NEB: variants seen among roughly 807,000 people sequenced by gnomAD.
NEB encodes the protein nebulin.
Under a neutral mutation model 952.2 loss-of-function variants are expected in NEB, and 512 were observed. That is an observed-to-expected ratio of 0.54 (90% CI 0.50 to 0.58). NEB has a LOEUF of 0.58. NEB is among the 20% of genes least tolerant of loss of function. The pLI is 0.00. For missense variants in NEB, 8,428 were observed against 9,231.1 expected (o/e 0.91, Z 3.56); for synonymous variants, 2,900 against 3,149.8 (o/e 0.92, Z 2.66).
chr2:151,706,027 T>C (rs1164492499), intron 13 of NEB, among the ~76,000 whole-genome samples: 1 of 152,166 alleles, frequency 6.6e-6, no homozygotes, highest in Non-Finnish European at 1.5e-5. Context: ...AAAGAACTTT[T>C]CCATGTAACC....
chr2:151,670,086 C>T (rs2099267265), intron 38 of NEB, among the ~76,000 whole-genome samples: 2 of 152,294 alleles, frequency 1.3e-5, no homozygotes, highest in South Asian at 2.1e-4. Flanking sequence ...AGTGAGTGTA[C>T]AGTTTGCCTA....
At chr2:151,636,799 A>G (rs566125535) in intron 63 of NEB, among the ~76,000 whole-genome samples, 3 of 148,302 alleles carry the variant, frequency 2.0e-5, no homozygotes, top group Non-Finnish European at 3.0e-5. Context: ...AAAACAAAAC[A>G]AAAAAAAAAG....
At position 151,490,067 on chromosome 2, in the gene NEB, A is replaced by G. The variant is rs966105402; in HGVS notation, c.25308T>C (p.His8436=). 1 of 1,609,120 alleles carries G rather than the reference A, an allele frequency of 6.2e-7. No individual in the cohort carries two copies. The highest frequency in any genetic ancestry group is 1.7e-5 in the Admixed American group (1 of 59,236). Residue 8436 remains histidine (H), a synonymous_variant, in exon 181 of 182, where the codon CAT becomes CAC. Coordinates refer to ENST00000397345, the MANE Select transcript of NEB (RefSeq NM_001164508.2). ...GVFAVSTAYK[H]AKTTELPQQR... ...GTTGTGGGAGCTCTGTGGTTTTTGCATGTTTGTAAGCTGAAAAAAAGGGGG... is the reference window on the plus strand; with the variant it reads ...GTTGTGGGAGCTCTGTGGTTTTTGCGTGTTTGTAAGCTGAAAAAAAGGGGG...
chr2:151,487,179 A>G (rs891318937), intron 181 of NEB, among the ~76,000 whole-genome samples: 20 of 152,288 alleles, frequency 1.3e-4, no homozygotes, highest in African/African-American at 4.6e-4. Flanking sequence ...GAAAACCCGT[A>G]GCACTATTGC....
Position 151,640,626 on chromosome 2 carries a change from T to C in NEB, c.8414A>G (p.His2805Arg). The change falls in exon 61 of 182, where the codon CAC becomes CGC. Residue 2805 changes from histidine (H) to arginine (R), a missense_variant. Physicochemically the swap from His to Arg is conservative, Grantham distance 29 (BLOSUM62 0). Transcript: ENST00000397345. Reference sequence around the variant, plus strand: ...ATCACGTATAGCTCGGGCACCAATGTGGTGGCCGAGCTGCTTACGATAGCC... The same window carrying C: ...ATCACGTATAGCTCGGGCACCAATGCGGTGGCCGAGCTGCTTACGATAGCC... Reference protein sequence around the residue: ...KEGYRKQLGHHIGARAIRDDP... With the variant: ...KEGYRKQLGHRIGARAIRDDP... The C allele has an allele frequency of 6.2e-7, 1 of 1,613,838 alleles. No homozygotes were observed. The highest frequency in any genetic ancestry group is 1.3e-5 in the African/African-American group (1 of 75,016).
Position 151,567,237 on chromosome 2 carries a change from G to A in NEB, c.18087C>T (p.His6029=), listed in dbSNP as rs758797066. The part of the protein sequence containing the change: ...VSDIDYRNYL[H]QWMCHPDQND... ...TCTGGTCAGGATGACACATCCATTG[G>A]TGCAAGTAATTACGATAATCAATAT... Residue 6029 remains histidine, a synonymous_variant, in exon 114 of 182, where the codon CAC becomes CAT. Transcript: ENST00000397345. The A allele has an allele frequency of 2.5e-6, 4 of 1,613,722 alleles. No homozygotes were observed. Among genetic ancestry groups the A allele is most frequent in the African/African-American group, 1.3e-5 (1 of 74,912 alleles).
At chr2:151,723,746 CTTTGTT>C (rs1475984699) in intron 8 of NEB, among the ~76,000 whole-genome samples, 55 of 55,912 alleles carry the variant, frequency 9.8e-4, no homozygotes, top group African/African-American at 3.7e-3. Context: ...TACCTGCCTT[CTTTGTT>C]TTTTTTTTTT....
Position 151,493,845 on chromosome 2 carries a change from C to G in NEB, c.24602G>C (p.Gly8201Ala). 1 of 1,573,980 alleles carries G rather than the reference C, an allele frequency of 6.4e-7. No individual in the cohort carries two copies. Residue 8201 changes from glycine (G) to alanine (A), a missense_variant, in exon 175 of 182, where the codon GGG becomes GCG. Around this residue, in one of 11 missense-constraint regions of NEB, gnomAD observed 3,374 missense variants for 3,651.5 expected, o/e 0.92. Coordinates refer to ENST00000397345, the MANE Select transcript of NEB (RefSeq NM_001164508.2). ...AGTAAAGGGTGTGGGGGTTGCTTTCCCCAGGTTCTCTTTGTATAACACCTG... is the reference window on the plus strand; with the variant it reads ...AGTAAAGGGTGTGGGGGTTGCTTTCGCCAGGTTCTCTTTGTATAACACCTG... ...ISSVLYKENL[G>A]KATPTPFTPE... is the part of the protein sequence containing the mutation.
chr2:151,615,495 A>G (rs1038809548), intron 76 of NEB, among the ~76,000 whole-genome samples: 145 of 152,228 alleles, frequency 9.5e-4, no homozygotes, highest in African/African-American at 3.3e-3. Flanking sequence ...GTGTCCGGTG[A>G]GGGACATCTC....
rs1389423213 is a variant in NEB at position 151,690,824 on chromosome 2, T to G, written c.2213A>C (p.His738Pro). ...AIKKLDQCKD[H>P]TYKVHPDKTK... Reference sequence around the variant, plus strand: ...CTTATCTGGATGAACTTTGTAGGTATGCTAGAAAAGAAGATGTTCTTTAAT... The same window carrying G: ...CTTATCTGGATGAACTTTGTAGGTAGGCTAGAAAAGAAGATGTTCTTTAAT... Residue 738 changes from histidine to proline, a missense_variant and splice_region_variant, in exon 24 of 182, where the codon CAT becomes CCT. This residue lies in a region of NEB where 2,851 missense variants were observed against 2,791.5 expected (regional missense o/e 1.02). Coordinates refer to ENST00000397345, the MANE Select transcript of NEB (RefSeq NM_001164508.2). 1 of 1,566,396 alleles carries G rather than the reference T, an allele frequency of 6.4e-7. No homozygotes were observed. The highest frequency in any genetic ancestry group is 1.8e-5 in the Admixed American group (1 of 54,352).
chr2:151,583,841 T>C (rs573104454), intron 100 of NEB, 75 bp from the exon 101 acceptor site: 8,901 of 459,840 alleles, frequency 0.019, 1,192 homozygotes, highest in Middle Eastern at 0.026. Flanking sequence ...ATTTAAATGG[T>C]TTCAGTATGT....
chr2:151,646,174 G>A lies in NEB; in HGVS notation c.7492C>T (p.Pro2498Ser). ...TTTGCTTTAGCCAGAACAATGTCAG[G>A]TGTATCAGGCATGATGTGGATCTGA... ...KTQIHIMPDT[P>S]DIVLAKANLI... Residue 2498 changes from proline (P) to serine (S), a missense_variant, in exon 55 of 182, where the codon CCT (proline) becomes TCT (serine). Physicochemically the swap from Pro to Ser is moderately conservative, Grantham distance 74 (BLOSUM62 -1). This residue lies in a region of NEB where 1,772 missense variants were observed against 1,960.3 expected (regional missense o/e 0.90). Transcript: ENST00000397345. 1 of 1,604,854 alleles carries A rather than the reference G, an allele frequency of 6.2e-7. No individual in the cohort carries two copies. The highest frequency in any genetic ancestry group is 8.5e-7 in the Non-Finnish European group (1 of 1,175,296).
At chr2:151,617,300 A>G (rs2098232180) in intron 75 of NEB, 64 bp downstream of exon 75, 16 of 1,133,036 alleles carry the variant, frequency 1.4e-5, no homozygotes, top group Non-Finnish European at 2.0e-5. Context: ...CCTTTTCCTA[A>G]GGAAACAGCT....
rs2098184555 is a variant in NEB at position 151,616,119 on chromosome 2, A to C, written c.11182-10T>G. On this transcript the variant is annotated splice_polypyrimidine_tract_variant and intron_variant, in intron 75 of 181. Transcript: ENST00000397345. ...CAAGTTTATAGAGTTTCTGTAGAAA[A>C]GAAAGTCATTACTCATTTACTCCTT... The C allele has an allele frequency of 6.3e-7, 1 of 1,579,506 alleles. No individual in the cohort carries two copies.
In NEB at chr2:151,727,810, G is replaced by C. The variant is rs867732907; in HGVS notation, c.175C>G (p.Gln59Glu). 3 of 1,599,154 alleles carry C rather than the reference G, an allele frequency of 1.9e-6. 1 individual carries two copies. Among genetic ancestry groups the C allele is most frequent in the Non-Finnish European group, 2.6e-6 (3 of 1,174,008 alleles). ...KPALAQPALA[Q>E]PASAKPVERR... Reference sequence around the variant, plus strand: ...TCCACCGGCTTTGCTGATGCTGGCTGTGCCAGTGCTGGCTGTGCCAGAGCT... The same window carrying C: ...TCCACCGGCTTTGCTGATGCTGGCTCTGCCAGTGCTGGCTGTGCCAGAGCT... Residue 59 changes from glutamine to glutamate, a missense_variant, in exon 5 of 182, where the codon CAG (glutamine) becomes GAG (glutamate). By Grantham distance (29) the Gln-to-Glu change is conservative. Transcript: ENST00000397345.
chr2:151,525,157 A>G lies in NEB; in HGVS notation c.22272+6T>C, dbSNP rs2084971780. The G allele has an allele frequency of 6.2e-7, 1 of 1,605,628 alleles. No individual in the cohort carries two copies. The highest frequency in any genetic ancestry group is 1.3e-5 in the African/African-American group (1 of 74,886). On this transcript the variant is annotated splice_donor_region_variant and intron_variant, in intron 151 of 181. Transcript: ENST00000397345. ...GCCCCCAAGAGTGTTGAGAGGGAAA[A>G]CTTACATCACTTTGCTTCTTGGCCA...
At chr2:151,518,463 C>G in intron 155 of NEB, 41 bp from the exon 156 acceptor site, 1 of 1,233,010 alleles carries the variant, frequency 8.1e-7, no homozygotes, top group East Asian at 2.3e-5. Flanking sequence ...GATGGAGAAG[C>G]TGCTCAGCAT....
In NEB at chr2:151,614,187, G is replaced by A. The variant is rs2098119210; in HGVS notation, c.11601+89C>T. On this transcript the variant is annotated intron_variant, in intron 77 of 181. Transcript: ENST00000397345. ...ACATTATCCTAAAGAGGTGTCTGTAGGTTTCACCAGACTGTGGAAAGATTC... is the reference window on the plus strand; with the variant it reads ...ACATTATCCTAAAGAGGTGTCTGTAAGTTTCACCAGACTGTGGAAAGATTC... 2.7e-6 allele frequency: 4 copies of A among 1,459,822 alleles called. No individual in the cohort carries two copies. The Admixed American group carries it at 5.9e-5, about 22-fold the overall frequency. 90.4% of individuals were successfully genotyped at this position (1,459,822 alleles called of 1,614,324 possible). A position where few individuals can be genotyped will look rare whatever the true frequency, so the allele number is the denominator to read the frequency against.
intron 71 of NEB, among the ~76,000 whole-genome samples, chr2:151,625,293 T>G (rs1242440204): frequency 1.3e-5 from 2 of 152,158 alleles, no homozygotes; most frequent in African/African-American, 4.8e-5. Flanking sequence ...CTTGAGATAT[T>G]TTTTCCCTCC....
Sources: gnomAD v4.1 joint callset for allele counts (sites outside exome capture counted in the v4.1 genomes callset) on GRCh38, gnomAD v4.1.1 for gene constraint, gnomAD v4.1.1 regional missense constraint, MANE v1.5 for transcripts, NCBI Gene and HGNC (gene_info 2026-07-23, HGNC 2026-07-21) for gene names.